Variants in VTI1A observed in about 807,000 individuals in gnomAD.
VTI1A encodes the protein vesicle transport through interaction with t-SNAREs homolog 1A.
Under a neutral mutation model 34.9 loss-of-function variants are expected in VTI1A, and 22 were observed. The ratio of observed to expected loss-of-function variants is 0.63; its 90% CI spans 0.45 to 0.90. The LOEUF (loss-of-function observed/expected upper bound fraction) is 0.90. Among genes scored for constraint, VTI1A ranks in the 40% least tolerant of loss-of-function variants. VTI1A has a pLI of 0.00. For missense variants in VTI1A, 268 were observed against 275.6 expected (o/e 0.97, Z 0.20); for synonymous variants, 87 against 97.3 (o/e 0.89, Z 0.62).
At chr10:112,600,309 A>G (rs529734687) in intron 5 of VTI1A, among the ~76,000 whole-genome samples, 3 of 152,298 alleles carry the variant, frequency 2.0e-5, no homozygotes, top group Admixed American at 6.5e-5. Flanking sequence ...AACTCAGATC[A>G]AGGATCTTCT....
chr10:112,834,510 C>T, the VTI1A span, among the ~76,000 whole-genome samples: 1 of 152,198 alleles, frequency 6.6e-6, no homozygotes, highest in Non-Finnish European at 1.5e-5. Flanking sequence ...AAAGAACCCT[C>T]TCATGGTACA....
chr10:112,693,300 A>C (rs1848667881), intron 7 of VTI1A, among the ~76,000 whole-genome samples: 3 of 152,200 alleles, frequency 2.0e-5, no homozygotes, highest in Non-Finnish European at 4.4e-5. Context: ...TAATCCCAGC[A>C]CTTTGGGAGC....
chr10:112,545,257 A>G (rs1275196380), intron 5 of VTI1A, among the ~76,000 whole-genome samples: 2 of 152,220 alleles, frequency 1.3e-5, no homozygotes, highest in Non-Finnish European at 2.9e-5. Context: ...TATCCCCAAA[A>G]CAAATGGAGA....
chr10:112,564,986 T>TGGTG (rs1281711503), intron 5 of VTI1A, among the ~76,000 whole-genome samples: 1 of 152,098 alleles, frequency 6.6e-6, no homozygotes, highest in Admixed American at 6.5e-5. Flanking sequence ...TTAAAAAAAG[T>TGGTG]GGTGGGAGCT....
chr10:112,835,253 G>C, the VTI1A span, among the ~76,000 whole-genome samples: 28 of 152,072 alleles, frequency 1.8e-4, no homozygotes, highest in Non-Finnish European at 4.0e-4. Context: ...CTCCTCCCCG[G>C]TGGCAGTCAA....
chr10:112,633,614 A>C (rs1481159577), intron 5 of VTI1A, among the ~76,000 whole-genome samples: 7 of 152,186 alleles, frequency 4.6e-5, no homozygotes, highest in African/African-American at 1.7e-4. Flanking sequence ...GTGGTGAGGA[A>C]AAGGGCATTG....
At chr10:112,682,329 A>G (rs1848243677) in intron 7 of VTI1A, among the ~76,000 whole-genome samples, 1 of 152,106 alleles carries the variant, frequency 6.6e-6, no homozygotes, top group Non-Finnish European at 1.5e-5. Context: ...TGATGTGGGC[A>G]CCTCTTTTTC....
intron 7 of VTI1A, among the ~76,000 whole-genome samples, chr10:112,727,143 G>GC (rs921726113): frequency 2.0e-5 from 3 of 151,982 alleles, no homozygotes; most frequent in African/African-American, 4.8e-5. Flanking sequence ...ATGCAAAAAG[G>GC]CCCCCCCATC....
intron 7 of VTI1A, chr10:112,677,945 G>A (rs996080137): frequency 6.6e-6 from 1 of 152,180 alleles, no homozygotes; most frequent in Admixed American, 6.5e-5. Flanking sequence ...CCTGATGTAG[G>A]CCTCATCAAT....
At chr10:112,728,025 C>CAGCAA (rs993341579) in intron 7 of VTI1A, among the ~76,000 whole-genome samples, 17 of 152,178 alleles carry the variant, frequency 1.1e-4, no homozygotes, top group Non-Finnish European at 7.3e-5. Flanking sequence ...ACACCCCTAG[C>CAGCAA]AGCACATCTG....
intron 3 of VTI1A, among the ~76,000 whole-genome samples, chr10:112,515,275 G>A (rs1849737867): frequency 6.6e-6 from 1 of 151,928 alleles, no homozygotes; most frequent in African/African-American, 2.4e-5. Context: ...CTTATAGAAA[G>A]GGAACAGGAT....
At chr10:112,654,874 G>A (rs1412952053) in intron 5 of VTI1A, among the ~76,000 whole-genome samples, 5 of 152,180 alleles carry the variant, frequency 3.3e-5, no homozygotes, top group South Asian at 2.1e-4. Flanking sequence ...GTCTAAAAAT[G>A]CAAGTGTCTT....
chr10:112,822,567 G>C (rs555699269), downstream of VTI1A, among the ~76,000 whole-genome samples: 8 of 152,302 alleles, frequency 5.3e-5, no homozygotes, highest in African/African-American at 1.9e-4. Flanking sequence ...TCTGCCCTGA[G>C]CAGACCTTCC....
At position 112,815,495 on chromosome 10, in the gene VTI1A, C is replaced by G; in HGVS notation, c.*112C>G. ...TGACAGGCCCCAGGTGACCCTCTCT[C>G]TCCCTCACCGCCGTTGGGCTGAAGT... On this transcript the variant is annotated 3_prime_UTR_variant, in exon 8 of 8. Transcript: ENST00000393077. 1.1e-6 allele frequency: 1 copy of G among 884,000 alleles called. No homozygotes were observed. The highest frequency in any genetic ancestry group is 1.9e-6 in the Non-Finnish European group (1 of 540,342). 54.8% of individuals were successfully genotyped at this position (884,000 alleles called of 1,614,324 possible).
intron 7 of VTI1A, among the ~76,000 whole-genome samples, chr10:112,718,040 T>A (rs1849671718): frequency 6.6e-6 from 1 of 152,210 alleles, no homozygotes; most frequent in African/African-American, 2.4e-5. Context: ...TCCTGTTGTC[T>A]GAATGAGAGT....
At chr10:112,507,072 A>G (rs1849456782) in intron 3 of VTI1A, among the ~76,000 whole-genome samples, 1 of 151,930 alleles carries the variant, frequency 6.6e-6, no homozygotes, top group Admixed American at 6.6e-5. Context: ...GGTTTTGAAT[A>G]AAGTTTTACT....
At chr10:112,733,775 G>A (rs1289881751) in intron 7 of VTI1A, among the ~76,000 whole-genome samples, 1 of 104,398 alleles carries the variant, frequency 9.6e-6, no homozygotes, top group Non-Finnish European at 1.7e-5. Context: ...TTTATTTTAA[G>A]AGAGAGTTTT....
intron 5 of VTI1A, among the ~76,000 whole-genome samples, chr10:112,603,138 G>A (rs1404532816): frequency 6.6e-6 from 1 of 152,206 alleles, no homozygotes. Flanking sequence ...TACCATGCTG[G>A]CTGTATAACT....
At position 112,817,230 on chromosome 10, in the gene VTI1A, C is replaced by G. The variant is rs1853549325; in HGVS notation, c.*1847C>G. The G allele has an allele frequency of 4.3e-6, 1 of 232,470 alleles. No homozygotes were observed. Among genetic ancestry groups the G allele is most frequent in the Non-Finnish European group, 8.5e-6 (1 of 117,520 alleles). The allele number at this position is 232,470 out of a possible 1,614,324, so 14.4% of individuals were successfully genotyped here. On this transcript the variant is annotated 3_prime_UTR_variant, in exon 8 of 8. Coordinates refer to ENST00000393077, the MANE Select transcript of VTI1A (RefSeq NM_145206.4). ...GGTGGCTTCCTTCAAAACTGTTGAT[C>G]TTAGCTAAAGTGTATAACCAGTTAC...
Sources: allele counts gnomAD v4.1 joint callset (sites outside exome capture counted in the v4.1 genomes callset), GRCh38; gene constraint gnomAD v4.1.1; transcripts MANE v1.5; gene names NCBI Gene and HGNC (gene_info 2026-07-23, HGNC 2026-07-21).